ASH1L: variants seen among roughly 807,000 people sequenced by gnomAD.
ASH1L encodes the protein ASH1 like histone lysine methyltransferase.
A neutral mutation model predicts 269.0 loss-of-function variants in ASH1L; 23 were observed. That is an observed-to-expected ratio of 0.09 (90% CI 0.06 to 0.12). ASH1L has a LOEUF of 0.12. Among genes scored for constraint, ASH1L ranks in the 10% least tolerant of loss-of-function variants. The pLI, the probability that ASH1L is intolerant of heterozygous loss-of-function variation, is 1.00. For synonymous variants in ASH1L, 1,187 were observed against 1,253.5 expected (o/e 0.95, Z 1.12); for missense variants, 2,912 against 3,567.8 (o/e 0.82, Z 4.68).
At chr1:155,394,666 A>G (rs1253295152) in intron 7 of ASH1L, among the ~76,000 whole-genome samples, 1 of 152,176 alleles carries the variant, frequency 6.6e-6, no homozygotes, top group Non-Finnish European at 1.5e-5. Flanking sequence ...CTTATCTGAT[A>G]AGCTCAATAA....
At chr1:155,531,046 T>A (rs557169322) in intron 1 of ASH1L, among the ~76,000 whole-genome samples, 1 of 152,096 alleles carries the variant, frequency 6.6e-6, no homozygotes, top group South Asian at 2.1e-4. Context: ...TAGGCCTAGT[T>A]ACTCTGGAGG....
intron 4 of ASH1L, among the ~76,000 whole-genome samples, chr1:155,454,624 C>T (rs1663745471): frequency 6.6e-6 from 1 of 151,986 alleles, no homozygotes; most frequent in Non-Finnish European, 1.5e-5. Context: ...AAAAATTAGC[C>T]AGGCGTGGTG....
In ASH1L at chr1:155,439,084, A is replaced by T. The variant is rs1369491341; in HGVS notation, c.5087-16T>A. 2.5e-6 allele frequency: 4 copies of T among 1,581,126 alleles called. No individual in the cohort carries two copies. The South Asian group carries it at 4.7e-5, about 19-fold the overall frequency. On this transcript the variant is annotated splice_polypyrimidine_tract_variant and intron_variant, in intron 4 of 27. Coordinates refer to ENST00000392403, the MANE Select transcript of ASH1L (RefSeq NM_018489.3). Reference sequence around the variant, plus strand: ...ACTCCGTTTACTGAAAGAGACAATAAATCACACATAGACAAAATTGGACAC... The same window carrying T: ...ACTCCGTTTACTGAAAGAGACAATATATCACACATAGACAAAATTGGACAC...
intron 2 of ASH1L, among the ~76,000 whole-genome samples, chr1:155,508,285 T>C (rs1667940868): frequency 6.6e-6 from 1 of 151,858 alleles, no homozygotes; most frequent in Non-Finnish European, 1.5e-5. Flanking sequence ...TAGAGAAAAA[T>C]TACAAGAAAG....
intron 1 of ASH1L, among the ~76,000 whole-genome samples, chr1:155,522,158 A>G (rs936226729): frequency 6.6e-5 from 10 of 152,308 alleles, no homozygotes; most frequent in African/African-American, 2.2e-4. Context: ...ATTATCTCTT[A>G]GGCTGGTTTC....
intron 22 of ASH1L, 126 bp downstream of exon 22, chr1:155,344,057 T>C (rs762218071): frequency 5.0e-6 from 4 of 804,016 alleles, no homozygotes; most frequent in East Asian, 2.6e-5. Context: ...ACTACAGATA[T>C]AAAAACTTAT....
At chr1:155,425,249 A>G (rs369806653) in intron 5 of ASH1L, among the ~76,000 whole-genome samples, 1 of 150,220 alleles carries the variant, frequency 6.7e-6, no homozygotes, top group African/African-American at 2.5e-5. Context: ...TGCTGGGATT[A>G]CAGGCATGGG....
At chr1:155,562,079 C>T in intron 1 of ASH1L, 74 bp downstream of exon 1, 2 of 1,016,936 alleles carry the variant, frequency 2.0e-6, no homozygotes, top group Non-Finnish European at 2.9e-6. Flanking sequence ...ATGACAGTGG[C>T]TCCCAGAAAG....
intron 7 of ASH1L, among the ~76,000 whole-genome samples, chr1:155,382,175 C>T (rs1042849375): frequency 2.0e-5 from 3 of 151,284 alleles, no homozygotes; most frequent in Non-Finnish European, 2.9e-5. Flanking sequence ...CATTACACTC[C>T]AGCAGGCAAC....
chr1:155,555,971 G>A (rs529652636), intron 1 of ASH1L, among the ~76,000 whole-genome samples: 1 of 152,342 alleles, frequency 6.6e-6, no homozygotes, highest in South Asian at 2.1e-4. Context: ...ACAGGGGCTG[G>A]TAGATGTGGA....
intron 16 of ASH1L, among the ~76,000 whole-genome samples, chr1:155,353,180 T>C (rs529677838): frequency 6.6e-6 from 1 of 152,330 alleles, no homozygotes; most frequent in East Asian, 1.9e-4. Context: ...TTGGGCAAGT[T>C]ATTTAACCCA....
At chr1:155,542,914 A>G (rs1571115067) in intron 1 of ASH1L, among the ~76,000 whole-genome samples, 1 of 151,808 alleles carries the variant, frequency 6.6e-6, no homozygotes, top group African/African-American at 2.4e-5. Context: ...CAGGTGATCC[A>G]CCTGCCTAGG....
At chr1:155,497,390 C>T (rs1193551458) in intron 2 of ASH1L, among the ~76,000 whole-genome samples, 1 of 152,220 alleles carries the variant, frequency 6.6e-6, no homozygotes, top group Non-Finnish European at 1.5e-5. Context: ...TCCACCTCTG[C>T]TACCCCTTAG....
Position 155,562,160 on chromosome 1 carries a change from G to C in ASH1L, c.-107C>G. On this transcript the variant is annotated 5_prime_UTR_variant, in exon 1 of 28. Coordinates refer to ENST00000392403, the MANE Select transcript of ASH1L (RefSeq NM_018489.3). ...CCAAATCGTTCTACTCACCGTGTCG[G>C]AGGCCGAGGCCGAGGCCGAGAGCGA... 1.3e-6 allele frequency: 2 copies of C among 1,573,972 alleles called. No homozygotes were observed. The highest frequency in any genetic ancestry group is 2.3e-5 in the South Asian group (2 of 88,326).
At chr1:155,474,756 TTCTC>T (rs958351090) in intron 3 of ASH1L, among the ~76,000 whole-genome samples, 3 of 152,086 alleles carry the variant, frequency 2.0e-5, no homozygotes, top group Non-Finnish European at 4.4e-5. Context: ...TCCTATAGTC[TTCTC>T]TCTCTTAGTG....
chr1:155,342,478 C>T (rs530094433), intron 24 of ASH1L, among the ~76,000 whole-genome samples: 1 of 152,222 alleles, frequency 6.6e-6, no homozygotes, highest in African/African-American at 2.4e-5. Context: ...TTAACTGAGA[C>T]AAGGAGGACT....
intron 2 of ASH1L, among the ~76,000 whole-genome samples, chr1:155,516,220 T>C (rs1007860729): frequency 2.0e-5 from 3 of 152,026 alleles, no homozygotes; most frequent in African/African-American, 2.4e-5. Flanking sequence ...TTTAAAAATA[T>C]GAAAAAAATT....
At chr1:155,472,597 G>T (rs1334807281) in intron 3 of ASH1L, among the ~76,000 whole-genome samples, 1 of 152,068 alleles carries the variant, frequency 6.6e-6, no homozygotes. Context: ...TTAAATAGCT[G>T]AAGAGGGCCA....
chr1:155,371,116 T>C, intron 10 of ASH1L, 133 bp from the exon 11 acceptor site: 1 of 756,262 alleles, frequency 1.3e-6, no homozygotes, highest in Admixed American at 3.0e-5. Context: ...CCCGAATCAC[T>C]AAGATTAAAA....
Sources: allele counts gnomAD v4.1 joint callset (sites outside exome capture counted in the v4.1 genomes callset), GRCh38; gene constraint gnomAD v4.1.1; transcripts MANE v1.5; gene names NCBI Gene and HGNC (gene_info 2026-07-23, HGNC 2026-07-21).